Variants in CEMIP observed in about 807,000 individuals in gnomAD.
CEMIP encodes cell migration-inducing and hyaluronan-binding protein.
In CEMIP, 105 loss-of-function variants were observed where a neutral mutation model predicts 156.9. The ratio of observed to expected loss-of-function variants is 0.67; its 90% confidence interval spans 0.57 to 0.79. CEMIP has a LOEUF of 0.79. CEMIP is among the 30% of genes least tolerant of loss of function. The pLI, the probability that CEMIP is intolerant of heterozygous loss-of-function variation, is 0.00. For missense variants in CEMIP, 1,457 were observed against 1,769.4 expected, an observed-to-expected ratio of 0.82 and a Z score of 3.17; for synonymous variants, 676 against 668.4, an observed-to-expected ratio of 1.01 and a Z score of -0.17.
At chr15:80,864,545 G>A (rs1056633641) in intron 1 of CEMIP, among the ~76,000 whole-genome samples, 4 of 152,130 alleles carry the variant, frequency 2.6e-5, no homozygotes, top group Non-Finnish European at 4.4e-5. Flanking sequence ...CACACACATC[G>A]CATACATCAT....
chr15:80,832,917 C>T (rs1348562119), intron 1 of CEMIP, among the ~76,000 whole-genome samples: 5 of 152,168 alleles, frequency 3.3e-5, no homozygotes, highest in Admixed American at 3.3e-4. Context: ...GATGCTGGCT[C>T]TCAACCGAAA....
intron 1 of CEMIP, among the ~76,000 whole-genome samples, chr15:80,859,204 C>A (rs150318369): frequency 6.6e-6 from 1 of 152,320 alleles, no homozygotes; most frequent in Non-Finnish European, 1.5e-5. Context: ...GTGGGTCAGC[C>A]CCCATTGAGC....
At chr15:80,802,448 G>A (rs765734987) in intron 1 of CEMIP, among the ~76,000 whole-genome samples, 1 of 152,340 alleles carries the variant, frequency 6.6e-6, no homozygotes, top group Non-Finnish European at 1.5e-5. Flanking sequence ...TACCCACAGT[G>A]TCAGCAATGC....
At chr15:80,942,463 G>A in intron 27 of CEMIP, 126 bp downstream of exon 27, 1 of 805,910 alleles carries the variant, frequency 1.2e-6, no homozygotes, top group African/African-American at 1.7e-5. Flanking sequence ...TTTCCTCCAG[G>A]GGGCTTGGGG....
chr15:80,860,690 C>A (rs1415084096), intron 1 of CEMIP, among the ~76,000 whole-genome samples: 1 of 152,162 alleles, frequency 6.6e-6, no homozygotes, highest in African/African-American at 2.4e-5. Flanking sequence ...AAGCACTATG[C>A]ATGTCCCTTC....
intron 25 of CEMIP, 121 bp from the exon 26 acceptor site, chr15:80,941,728 T>C (rs964064770): frequency 5.7e-4 from 489 of 852,760 alleles, no homozygotes; most frequent in Non-Finnish European, 7.9e-4. Flanking sequence ...ATGGTTCCAT[T>C]CTATAAGGCC....
chr15:80,823,653 C>T (rs1342003450), intron 1 of CEMIP, among the ~76,000 whole-genome samples: 1 of 152,146 alleles, frequency 6.6e-6, no homozygotes. Flanking sequence ...CAACTCAACC[C>T]TGATGGTGGG....
intron 13 of CEMIP, among the ~76,000 whole-genome samples, chr15:80,908,325 G>A (rs957970763): frequency 1.3e-5 from 2 of 152,178 alleles, no homozygotes; most frequent in African/African-American, 2.4e-5. Context: ...CAGCTCTCCA[G>A]GGCCGCTACT....
At position 80,906,339 on chromosome 15, in the gene CEMIP, A is replaced by G. The variant is rs575653205; in HGVS notation, c.1412-324A>G. ...CACCTAACTACAGGGAGGCTGAGAA[A>G]TGTCATTCCCTTGGGTGGCCCTGTG... On this transcript the variant is annotated intron_variant, in intron 12 of 29. Transcript: ENST00000394685. This position sits in a 1 kb window ranked among gnomAD's most constrained non-coding sequence, Gnocchi z 4.3. Among the ~76,000 whole-genome samples the G allele has an allele frequency of 6.6e-6, 1 of 152,326 alleles. No homozygotes were observed. Among genetic ancestry groups the G allele is most frequent in the South Asian group, 2.1e-4 (1 of 4,818 alleles).
At chr15:80,845,721 T>C (rs1357994956) in intron 1 of CEMIP, among the ~76,000 whole-genome samples, 1 of 152,146 alleles carries the variant, frequency 6.6e-6, no homozygotes, top group Non-Finnish European at 1.5e-5. Context: ...ACAGTGACTT[T>C]GGCTGTGACC....
chr15:80,938,648 T>C (rs1410511836), intron 25 of CEMIP, among the ~76,000 whole-genome samples: 1 of 152,166 alleles, frequency 6.6e-6, no homozygotes, highest in African/African-American at 2.4e-5. Flanking sequence ...CCTGAGATCA[T>C]AGCATAAAGC....
intron 3 of CEMIP, among the ~76,000 whole-genome samples, chr15:80,876,387 G>A (rs773537336): frequency 3.9e-5 from 6 of 152,286 alleles, no homozygotes; most frequent in African/African-American, 7.2e-5. Context: ...CTGCTCTTAC[G>A]TTAAAATGGA....
chr15:80,833,858 T>C (rs566667905), intron 1 of CEMIP, among the ~76,000 whole-genome samples: 1 of 151,974 alleles, frequency 6.6e-6, no homozygotes, highest in Non-Finnish European at 1.5e-5. Flanking sequence ...TTAGTAGAGA[T>C]GGGGTTTTGC....
chr15:80,886,236 C>T (rs766608882), intron 7 of CEMIP, among the ~76,000 whole-genome samples: 1 of 151,974 alleles, frequency 6.6e-6, no homozygotes, highest in Non-Finnish European at 1.5e-5. Context: ...GGGGCAAAAG[C>T]ATGCCTCTCC....
intron 29 of CEMIP, 123 bp from the exon 30 acceptor site, chr15:80,948,674 G>C: frequency 3.1e-6 from 4 of 1,280,814 alleles, no homozygotes; most frequent in African/African-American, 1.5e-5. Flanking sequence ...AGGGGCCACA[G>C]TGCAGTGTGG....
intron 1 of CEMIP, among the ~76,000 whole-genome samples, chr15:80,800,921 C>G (rs1167133036): frequency 6.6e-6 from 1 of 152,186 alleles, no homozygotes; most frequent in Admixed American, 6.5e-5. Context: ...CAGGGCCTAC[C>G]GTAGCTGGGC....
intron 1 of CEMIP, among the ~76,000 whole-genome samples, chr15:80,803,987 A>G (rs754002091): frequency 3.3e-5 from 5 of 152,230 alleles, no homozygotes; most frequent in Non-Finnish European, 5.9e-5. Context: ...CCTCACAATG[A>G]TGGTGAAAGG....
chr15:80,820,638 G>A (rs1244156333), intron 1 of CEMIP, among the ~76,000 whole-genome samples: 1 of 152,156 alleles, frequency 6.6e-6, no homozygotes, highest in African/African-American at 2.4e-5. Context: ...TGTAAAAGGG[G>A]GTAATAATAG....
At chr15:80,804,914 A>G (rs1896474739) in intron 1 of CEMIP, among the ~76,000 whole-genome samples, 1 of 152,168 alleles carries the variant, frequency 6.6e-6, no homozygotes, top group Admixed American at 6.5e-5. Context: ...GCTTTAATTC[A>G]TCGCTCATGT....
Sources: gnomAD v4.1 joint callset for allele counts (sites outside exome capture counted in the v4.1 genomes callset) on GRCh38, gnomAD v4.1.1 for gene constraint, Gnocchi (gnomAD v3.1) non-coding constraint, MANE v1.5 for transcripts, NCBI Gene and HGNC (gene_info 2026-07-23, HGNC 2026-07-21) for gene names.